Variants in ADAMTSL1 observed in about 807,000 individuals in gnomAD.
ADAMTSL1 encodes ADAMTS-like protein 1.
Under a neutral mutation model 201.8 loss-of-function variants are expected in ADAMTSL1, and 126 were observed. The ratio of observed to expected loss-of-function variants is 0.62; its 90% CI spans 0.54 to 0.72. The LOEUF (loss-of-function observed/expected upper bound fraction) is 0.72. ADAMTSL1 is among the 30% of genes least tolerant of loss of function. ADAMTSL1 has a pLI of 0.00. For synonymous variants in ADAMTSL1, 1,121 were observed against 903.4 expected (o/e 1.24, Z -4.32); for missense variants, 2,679 against 2,277.8 (o/e 1.18, Z -3.59).
rs1161879731 is a variant in ADAMTSL1 at position 18,291,697 on chromosome 9, GCTCTCTCTCTCTCTCTCTTTCT to G, written c.207+127735_207+127756del. Among the ~76,000 whole-genome samples the G allele has an allele frequency of 3.1e-3, 406 of 132,544 alleles. 8 individuals are homozygous for G. The highest frequency in any genetic ancestry group is 0.021 in the Admixed American group (278 of 13,540). 87.0% of individuals were successfully genotyped at this position (132,544 alleles called of 152,430 possible). On this transcript the variant is annotated intron_variant, in intron 2 of 29. Coordinates refer to the ADAMTSL1 transcript ENST00000680146. ...CTCTCTCTCTCTCGGGTGCGCACATGCTCTCTCTCTCTCTCTCTTTCTCTCTCTCTCTCTCTCTCTCTCTCTC... is the reference window on the plus strand; with the variant it reads ...CTCTCTCTCTCTCGGGTGCGCACATGCTCTCTCTCTCTCTCTCTCTCTCTC...
intron 23 of ADAMTSL1, among the ~76,000 whole-genome samples, chr9:18,864,561 G>C (rs1296650267): frequency 6.6e-6 from 1 of 152,124 alleles, no homozygotes; most frequent in East Asian, 1.9e-4. Context: ...TGCCACAAAG[G>C]CAACCTTATG....
At chr9:18,155,017 A>T (rs761813964) in intron 1 of ADAMTSL1, among the ~76,000 whole-genome samples, 2 of 152,010 alleles carry the variant, frequency 1.3e-5, no homozygotes, top group Non-Finnish European at 2.9e-5. Flanking sequence ...GTGGTGAGTC[A>T]CAGATATAAG....
intron 10 of ADAMTSL1, among the ~76,000 whole-genome samples, chr9:18,676,369 A>G (rs756749727): frequency 1.3e-5 from 2 of 152,180 alleles, no homozygotes; most frequent in Admixed American, 1.3e-4. Flanking sequence ...TCCACTTTTT[A>G]TTTCAGATAA....
At chr9:18,844,896 G>A (rs2082574) in intron 23 of ADAMTSL1, among the ~76,000 whole-genome samples, 28,120 of 152,206 alleles carry the variant, frequency 0.18, 2,577 homozygotes, top group Middle Eastern at 0.29. Context: ...TCGGAAAAGC[G>A]CAGTATTTGG....
chr9:18,513,283 C>G (rs942518711), intron 2 of ADAMTSL1, among the ~76,000 whole-genome samples: 2 of 152,188 alleles, frequency 1.3e-5, no homozygotes, highest in Non-Finnish European at 2.9e-5. Flanking sequence ...TGAAACTAGA[C>G]TCCTTGAATG....
chr9:18,221,582 A>G (rs904182206), intron 2 of ADAMTSL1, among the ~76,000 whole-genome samples: 1 of 152,094 alleles, frequency 6.6e-6, no homozygotes, highest in Admixed American at 6.6e-5. Flanking sequence ...ATTTTCCTTT[A>G]ACAGTTCTTT....
intron 2 of ADAMTSL1, among the ~76,000 whole-genome samples, chr9:18,274,712 A>G (rs1023289363): frequency 4.6e-5 from 7 of 152,206 alleles, no homozygotes; most frequent in Non-Finnish European, 1.0e-4. Context: ...TAAGACTAAA[A>G]TAAAAAAACT....
chr9:18,578,168 C>A (rs953088680), intron 4 of ADAMTSL1, among the ~76,000 whole-genome samples: 5 of 152,222 alleles, frequency 3.3e-5, no homozygotes, highest in Admixed American at 3.3e-4. Flanking sequence ...TGTTTATCAA[C>A]ATTTTCTAAT....
chr9:18,794,991 A>G (rs1159018035), intron 19 of ADAMTSL1, among the ~76,000 whole-genome samples: 2 of 151,906 alleles, frequency 1.3e-5, no homozygotes, highest in Admixed American at 6.6e-5. Flanking sequence ...CAACCATCCA[A>G]CCAAGCTCCA....
At chr9:17,938,804 A>G (rs1026250524) in intron 1 of ADAMTSL1, among the ~76,000 whole-genome samples, 4 of 152,256 alleles carry the variant, frequency 2.6e-5, no homozygotes, top group African/African-American at 9.6e-5. Flanking sequence ...TTATGAAGCT[A>G]TTAACTCTGA....
At chr9:18,631,729 G>A (rs1544308) in intron 5 of ADAMTSL1, among the ~76,000 whole-genome samples, 5,850 of 152,228 alleles carry the variant, frequency 0.038, 144 homozygotes, top group East Asian at 0.088. Context: ...AGAAAGTTGT[G>A]TGATATACAT....
intron 1 of ADAMTSL1, among the ~76,000 whole-genome samples, chr9:17,940,308 C>T (rs781143573): frequency 6.6e-6 from 1 of 151,906 alleles, no homozygotes; most frequent in Non-Finnish European, 1.5e-5. Context: ...GGAGGGTGTT[C>T]CAAAGATCCA....
chr9:18,070,595 G>A lies in ADAMTSL1; in HGVS notation c.88-93267G>A, dbSNP rs374551610. ...TTTATTTTAAGAAGGGAAAGATTTC[G>A]GTATTCTAGTAAGCTTGAACTAAAT... is the stretch of plus-strand genomic sequence containing the variant. On this transcript the variant is annotated intron_variant, in intron 1 of 29. Coordinates refer to the ADAMTSL1 transcript ENST00000680146. Among the ~76,000 whole-genome samples, 5 of 152,192 alleles carry A rather than the reference G, an allele frequency of 3.3e-5. No individual in the cohort carries two copies. In the East Asian group the frequency reaches 9.7e-4, roughly 29 times the overall value.
intron 2 of ADAMTSL1, among the ~76,000 whole-genome samples, chr9:18,528,649 A>G (rs1043881275): frequency 1.3e-5 from 2 of 152,156 alleles, no homozygotes; most frequent in African/African-American, 4.8e-5. Flanking sequence ...GCTATTGTGA[A>G]TAGTGCTAGA....
intron 1 of ADAMTSL1, among the ~76,000 whole-genome samples, chr9:17,932,988 A>G (rs1211237375): frequency 6.6e-6 from 1 of 152,276 alleles, no homozygotes; most frequent in South Asian, 2.1e-4. Context: ...AGCCTGGTCC[A>G]TCATGGTTAC....
At chr9:18,080,315 G>C (rs1049263264) in intron 1 of ADAMTSL1, among the ~76,000 whole-genome samples, 1 of 152,180 alleles carries the variant, frequency 6.6e-6, no homozygotes, top group African/African-American at 2.4e-5. Context: ...AGGAGCGGTG[G>C]TTTTTGTAAG....
rs868407986 is a variant in ADAMTSL1 at position 18,625,500 on chromosome 9, C to G, written c.601+3131C>G. ...ATGGAAATAGAGCAAGATCAAAGTA[C>G]TCTTTCTCCTTTCTTAAAGGAAAAG... On this transcript the variant is annotated intron_variant, in intron 5 of 28. Coordinates refer to ENST00000380548, the MANE Select transcript of ADAMTSL1 (RefSeq NM_001040272.6). 1.2e-4 allele frequency among the ~76,000 whole-genome samples: 19 copies of G among 152,250 alleles called. 1 individual carries two copies. In the Middle Eastern group the frequency reaches 0.014, roughly 109 times the overall value.
chr9:18,019,355 A>G (rs1257165752), intron 1 of ADAMTSL1, among the ~76,000 whole-genome samples: 1 of 152,066 alleles, frequency 6.6e-6, no homozygotes, highest in Non-Finnish European at 1.5e-5. Flanking sequence ...TACTAAAATT[A>G]AAAAATAGCT....
chr9:18,404,416 G>T (rs1293424122), intron 2 of ADAMTSL1, among the ~76,000 whole-genome samples: 1 of 152,154 alleles, frequency 6.6e-6, no homozygotes, highest in Non-Finnish European at 1.5e-5. Flanking sequence ...AAAGAATGCA[G>T]GTTTTACGCA....
Sources: allele counts gnomAD v4.1 joint callset (sites outside exome capture counted in the v4.1 genomes callset), GRCh38; gene constraint gnomAD v4.1.1; transcripts MANE v1.5; gene names NCBI Gene and HGNC (gene_info 2026-07-23, HGNC 2026-07-21).